XNDC1N: variants seen among roughly 807,000 people sequenced by gnomAD.
XNDC1N encodes protein XNDC1N.
At chr11:71,904,946 C>T in the XNDC1N span, among the ~76,000 whole-genome samples, 1 of 152,008 alleles carries the variant, frequency 6.6e-6, no homozygotes, top group South Asian at 2.1e-4. Flanking sequence ...ACAGGGAGTA[C>T]ACCCCGTGTG....
the XNDC1N span, among the ~76,000 whole-genome samples, chr11:71,905,457 A>T: frequency 6.6e-6 from 1 of 150,848 alleles, no homozygotes; most frequent in African/African-American, 2.5e-5. Flanking sequence ...CAGGGTGTAC[A>T]ACCCCTGTGA....
the XNDC1N span, among the ~76,000 whole-genome samples, chr11:71,894,757 T>A: frequency 6.6e-6 from 1 of 152,240 alleles, no homozygotes; most frequent in Non-Finnish European, 1.5e-5. Flanking sequence ...ATGGAAACAA[T>A]GTACAGGAGG....
At chr11:71,915,403 G>A in the XNDC1N span, among the ~76,000 whole-genome samples, 4 of 149,826 alleles carry the variant, frequency 2.7e-5, no homozygotes, top group Non-Finnish European at 5.9e-5. Context: ...AGCCGAGATC[G>A]CCCCACTGCA....
chr11:71,892,770 C>T, the XNDC1N span, among the ~76,000 whole-genome samples: 14 of 152,214 alleles, frequency 9.2e-5, no homozygotes, highest in South Asian at 6.2e-4. Flanking sequence ...ATCCATCAGC[C>T]TCGGCCGCCC....
At chr11:71,924,118 A>G in the XNDC1N span, among the ~76,000 whole-genome samples, 1 of 152,252 alleles carries the variant, frequency 6.6e-6, no homozygotes, top group Non-Finnish European at 1.5e-5. Flanking sequence ...GACTAAATGT[A>G]TGACACAACT....
At chr11:71,867,531 A>G in the XNDC1N span, among the ~76,000 whole-genome samples, 8 of 152,214 alleles carry the variant, frequency 5.3e-5, no homozygotes, top group Non-Finnish European at 5.9e-5. Flanking sequence ...TTCCAGATGC[A>G]GCCTCAAAAG....
At chr11:71,868,227 C>T in the XNDC1N span, among the ~76,000 whole-genome samples, 3 of 152,208 alleles carry the variant, frequency 2.0e-5, no homozygotes, top group African/African-American at 7.2e-5. Flanking sequence ...GGGCTTGCTT[C>T]TTTATCCAAC....
At chr11:71,886,302 C>T in the XNDC1N span, among the ~76,000 whole-genome samples, 2 of 151,944 alleles carry the variant, frequency 1.3e-5, no homozygotes, top group Non-Finnish European at 2.9e-5. Flanking sequence ...TCATGTTCCT[C>T]TTTAACAGCG....
At chr11:71,888,433 G>A in the XNDC1N span, among the ~76,000 whole-genome samples, 1 of 152,186 alleles carries the variant, frequency 6.6e-6, no homozygotes, top group Non-Finnish European at 1.5e-5. Flanking sequence ...ACTTTGGAAT[G>A]CGGATGCCAA....
chr11:71,898,508 G>A, the XNDC1N span, among the ~76,000 whole-genome samples: 1 of 152,156 alleles, frequency 6.6e-6, no homozygotes, highest in Non-Finnish European at 1.5e-5. Context: ...TCGGGAGGCT[G>A]AGACACAAGA....
chr11:71,903,772 C>T, the XNDC1N span: 1 of 360,106 alleles, frequency 2.8e-6, no homozygotes, highest in Non-Finnish European at 5.4e-6. Context: ...GTGACACCTT[C>T]ACCAGGAACA....
At chr11:71,869,409 T>C in the XNDC1N span, among the ~76,000 whole-genome samples, 1 of 152,218 alleles carries the variant, frequency 6.6e-6, no homozygotes, top group African/African-American at 2.4e-5. Context: ...TGCATAATAT[T>C]CCATGGTGTA....
chr11:71,906,592 G>T, the XNDC1N span, among the ~76,000 whole-genome samples: 1 of 152,080 alleles, frequency 6.6e-6, no homozygotes, highest in Non-Finnish European at 1.5e-5. Context: ...GTGAACTCCC[G>T]CTGGGATATT....
the XNDC1N span, among the ~76,000 whole-genome samples, chr11:71,910,826 C>T: frequency 6.6e-6 from 1 of 152,212 alleles, no homozygotes; most frequent in South Asian, 2.1e-4. Flanking sequence ...CCAAACTTTG[C>T]AGTATTAGCC....
the XNDC1N span, chr11:71,904,152 T>C: frequency 4.4e-6 from 2 of 454,868 alleles, no homozygotes; most frequent in Admixed American, 4.8e-5. Context: ...GTTCCATTCC[T>C]TTTGTAGGAT....
chr11:71,873,153 T>G, the XNDC1N span, among the ~76,000 whole-genome samples: 7 of 141,134 alleles, frequency 5.0e-5, no homozygotes, highest in African/African-American at 2.2e-4. Context: ...CTATTTTGTT[T>G]CAGTTTTTTT....
At chr11:71,888,720 T>A in the XNDC1N span, among the ~76,000 whole-genome samples, 3 of 152,204 alleles carry the variant, frequency 2.0e-5, no homozygotes, top group Non-Finnish European at 4.4e-5. Flanking sequence ...GGGCAAAAAC[T>A]GAACATTAAG....
chr11:71,900,994 C>A, the XNDC1N span, among the ~76,000 whole-genome samples: 5 of 152,180 alleles, frequency 3.3e-5, no homozygotes, highest in African/African-American at 1.2e-4. Flanking sequence ...CAGGCGGATG[C>A]CCCTGCTCAC....
chr11:71,871,022 A>G, the XNDC1N span, among the ~76,000 whole-genome samples: 145 of 149,680 alleles, frequency 9.7e-4, no homozygotes, highest in African/African-American at 2.9e-3. Context: ...GCAATCTCAC[A>G]TCTGGGTATT....
Sources: gnomAD v4.1 joint callset for allele counts (sites outside exome capture counted in the v4.1 genomes callset) on GRCh38, gnomAD v4.1.1 for gene constraint, MANE v1.5 for transcripts, NCBI Gene and HGNC (gene_info 2026-07-23, HGNC 2026-07-21) for gene names.